Variants in EML5 observed in about 807,000 individuals in gnomAD.
EML5 encodes EMAP like 5.
Under a neutral mutation model 250.0 loss-of-function variants are expected in EML5, and 120 were observed. The observed-to-expected ratio is 0.48, with a 90% CI of 0.41 to 0.56. The LOEUF is 0.56. Ranked by LOEUF, EML5 falls within the 20% of genes least tolerant of loss-of-function variation. EML5 has a pLI of 0.00. For missense variants in EML5, 2,006 were observed against 2,437.6 expected (o/e 0.82, Z 3.73); for synonymous variants, 771 against 806.5 (o/e 0.96, Z 0.75).
intron 6 of EML5, among the ~76,000 whole-genome samples, chr14:88,738,170 A>G (rs1762553222): frequency 6.6e-6 from 1 of 152,192 alleles, no homozygotes; most frequent in Non-Finnish European, 1.5e-5. Flanking sequence ...TAAAATACCA[A>G]TTAACATTTA....
At chr14:88,715,734 T>C (rs1021957333) in intron 8 of EML5, among the ~76,000 whole-genome samples, 5 of 151,696 alleles carry the variant, frequency 3.3e-5, no homozygotes, top group Non-Finnish European at 5.9e-5. Flanking sequence ...CTCGGCTCAC[T>C]GCAACCTCCA....
chr14:88,642,860 T>C (rs1299623184), intron 31 of EML5, 33 bp downstream of exon 31: 1 of 1,560,252 alleles, frequency 6.4e-7, no homozygotes, highest in Non-Finnish European at 8.6e-7. Context: ...GTTAAAAAAA[T>C]TGATAGAGGG....
At chr14:88,692,342 A>C (rs150223619) in intron 17 of EML5, among the ~76,000 whole-genome samples, 3,030 of 152,142 alleles carry the variant, frequency 0.02, 95 homozygotes, top group African/African-American at 0.066. Context: ...ACAACATTGC[A>C]CTCCAGCCTG....
chr14:88,666,580 A>G (rs1400329674), intron 21 of EML5, among the ~76,000 whole-genome samples: 2 of 152,218 alleles, frequency 1.3e-5, no homozygotes, highest in Non-Finnish European at 2.9e-5. Context: ...AGGTAGGAAG[A>G]TACATCTGTA....
chr14:88,696,946 T>C lies in EML5; in HGVS notation c.2245A>G (p.Arg749Gly), dbSNP rs766025085. The C allele has an allele frequency of 6.4e-7, 1 of 1,570,872 alleles. No individual in the cohort carries two copies. The highest frequency in any genetic ancestry group is 8.6e-7 in the Non-Finnish European group (1 of 1,156,628). The change falls in exon 15 of 44, where the codon AGA (arginine) becomes GGA (glycine). Residue 749 changes from arginine to glycine, a missense_variant. Physicochemically the swap from Arg to Gly is moderately radical, Grantham distance 125. Coordinates refer to ENST00000554922, the MANE Select transcript of EML5 (RefSeq NM_183387.3). ...TCCCATATATGAATTGAGGGATCTC[T>C]ACCAACCTAAAATAGAATTATAGAA... ...KDYVATGQVG[R>G]DPSIHIWDTE...
chr14:88,758,288 GT>G (rs1374679000), intron 1 of EML5, among the ~76,000 whole-genome samples: 3 of 151,870 alleles, frequency 2.0e-5, no homozygotes, highest in African/African-American at 7.3e-5. Flanking sequence ...CGCCTCCCAG[GT>G]TCAAGCAATT....
At chr14:88,775,725 T>A (rs1386471971) in intron 1 of EML5, among the ~76,000 whole-genome samples, 1 of 152,134 alleles carries the variant, frequency 6.6e-6, no homozygotes, top group Non-Finnish European at 1.5e-5. Flanking sequence ...TGGCCGGCTT[T>A]ACCACCTGAG....
chr14:88,675,155 C>T (rs1326495760), intron 21 of EML5, among the ~76,000 whole-genome samples: 5 of 152,186 alleles, frequency 3.3e-5, no homozygotes, highest in Non-Finnish European at 5.9e-5. Context: ...GGATGGTTGC[C>T]CTCTTCTCAT....
chr14:88,702,657 T>C, intron 13 of EML5, 25 bp from the exon 14 acceptor site: 1 of 1,484,658 alleles, frequency 6.7e-7, no homozygotes, highest in Non-Finnish European at 9.0e-7. Context: ...AAATCATATA[T>C]AATTAATTTT....
intron 29 of EML5, among the ~76,000 whole-genome samples, chr14:88,646,612 A>G (rs2091359835): frequency 6.6e-6 from 1 of 152,130 alleles, no homozygotes; most frequent in Non-Finnish European, 1.5e-5. Flanking sequence ...ATAACAATTA[A>G]CCACATTTTA....
intron 1 of EML5, among the ~76,000 whole-genome samples, chr14:88,780,573 C>A (rs182176596): frequency 5.8e-4 from 86 of 147,316 alleles, no homozygotes; most frequent in African/African-American, 2.1e-3. Context: ...TATAAAAAAT[C>A]TTTTTTTTTT....
chr14:88,621,885 A>C (rs756149390), intron 37 of EML5: 1 of 456,474 alleles, frequency 2.2e-6, no homozygotes, highest in Non-Finnish European at 4.4e-6. Context: ...GAAACTTTCA[A>C]AATCCTCTCT....
chr14:88,714,873 G>A, intron 9 of EML5, 66 bp downstream of exon 9: 2 of 1,457,378 alleles, frequency 1.4e-6, no homozygotes, highest in Admixed American at 2.1e-5. Flanking sequence ...CTTACACTCT[G>A]CTTCCAGTAA....
At chr14:88,784,484 G>A (rs1342424673) in intron 1 of EML5, among the ~76,000 whole-genome samples, 1 of 151,218 alleles carries the variant, frequency 6.6e-6, no homozygotes, top group Non-Finnish European at 1.5e-5. Flanking sequence ...AAATTCAAAG[G>A]ATCATTAGTG....
intron 13 of EML5, among the ~76,000 whole-genome samples, chr14:88,704,138 T>C (rs922309914): frequency 3.3e-5 from 5 of 152,168 alleles, no homozygotes; most frequent in African/African-American, 9.6e-5. Context: ...GTTTGGGTCA[T>C]GGGGGCTGAT....
chr14:88,696,471 T>C (rs1174093560), intron 15 of EML5, among the ~76,000 whole-genome samples: 7 of 152,108 alleles, frequency 4.6e-5, no homozygotes, highest in Non-Finnish European at 8.8e-5. Context: ...TTGCTAGCCT[T>C]TTACCCTAAA....
At chr14:88,745,087 C>T (rs991948645) in intron 3 of EML5, among the ~76,000 whole-genome samples, 1 of 151,714 alleles carries the variant, frequency 6.6e-6, no homozygotes, top group Non-Finnish European at 1.5e-5. Context: ...GTGCAAAATG[C>T]TTTGATCTAA....
intron 1 of EML5, among the ~76,000 whole-genome samples, chr14:88,760,866 C>A (rs574063008): frequency 2.6e-5 from 4 of 152,090 alleles, no homozygotes; most frequent in Admixed American, 2.0e-4. Context: ...ATAACATAGA[C>A]CTTGCATAGA....
At chr14:88,788,816 G>C (rs2094576283) in intron 1 of EML5, among the ~76,000 whole-genome samples, 1 of 151,796 alleles carries the variant, frequency 6.6e-6, no homozygotes, top group South Asian at 2.1e-4. Context: ...CCAACACTTT[G>C]GGAGGCGGAA....
Sources: gnomAD v4.1 joint callset for allele counts (sites outside exome capture counted in the v4.1 genomes callset) on GRCh38, gnomAD v4.1.1 for gene constraint, MANE v1.5 for transcripts, NCBI Gene and HGNC (gene_info 2026-07-23, HGNC 2026-07-21) for gene names.